NUF2: variants seen among roughly 807,000 people sequenced by gnomAD.
The protein encoded by NUF2 is kinetochore protein Nuf2.
A neutral mutation model predicts 61.8 loss-of-function variants in NUF2; 34 were observed. The observed-to-expected ratio is 0.55, with a 90% confidence interval of 0.42 to 0.73. NUF2 has a LOEUF of 0.73. NUF2 is among the 30% of genes least tolerant of loss of function. NUF2 has a pLI of 0.00. For synonymous variants in NUF2, 172 were observed against 181.6 expected, an observed-to-expected ratio of 0.95 and a Z score of 0.42; for missense variants, 445 against 539.1, an observed-to-expected ratio of 0.83 and a Z score of 1.73.
chr1:163,334,310 C>A (rs574711816), intron 5 of NUF2, among the ~76,000 whole-genome samples: 1 of 152,152 alleles, frequency 6.6e-6, no homozygotes, highest in South Asian at 2.1e-4. Context: ...ATAATGATTT[C>A]TTTCTTAAAG....
At position 163,343,767 on chromosome 1, in the gene NUF2, A is replaced by T; in HGVS notation, c.704A>T (p.Glu235Val). Residue 235 changes from glutamate to valine, a missense_variant, in exon 10 of 14, where the codon GAA (glutamate) becomes GTA (valine). Physicochemically the swap from Glu to Val is moderately radical, Grantham distance 121. Transcript: ENST00000271452. ...AAATTGTCGGTGGTTTCTTTGAAAG[A>T]AATACAAGAGAGTTTGAAAACAAAA... ...ELKLSVVSLK[E>V]IQESLKTKIV... 2 of 1,434,670 alleles carry T rather than the reference A, an allele frequency of 1.4e-6. No individual in the cohort carries two copies. Among genetic ancestry groups the T allele is most frequent in the Non-Finnish European group, 9.3e-7 (1 of 1,078,618 alleles). The allele number at this position is 1,434,670 out of a possible 1,614,324, so 88.9% of individuals were successfully genotyped here.
intron 5 of NUF2, among the ~76,000 whole-genome samples, chr1:163,330,383 T>A (rs1650554574): frequency 6.6e-6 from 1 of 152,196 alleles, no homozygotes; most frequent in Admixed American, 6.5e-5. Flanking sequence ...ATTAATTGAC[T>A]GTATATTTGT....
chr1:163,348,523 C>T (rs1195339508), intron 12 of NUF2, among the ~76,000 whole-genome samples: 2 of 152,092 alleles, frequency 1.3e-5, no homozygotes, highest in Non-Finnish European at 2.9e-5. Flanking sequence ...TTCATACTTC[C>T]TCTTGCAGAT....
intron 2 of NUF2, among the ~76,000 whole-genome samples, chr1:163,327,273 C>T (rs1238196711): frequency 6.6e-6 from 1 of 152,118 alleles, no homozygotes; most frequent in Non-Finnish European, 1.5e-5. Context: ...CATTCTTAAA[C>T]AGCTGATCCC....
At chr1:163,347,046 A>G (rs557530239) in intron 11 of NUF2, among the ~76,000 whole-genome samples, 47 of 152,298 alleles carry the variant, frequency 3.1e-4, no homozygotes, top group African/African-American at 1.1e-3. Context: ...AAGGGGAACT[A>G]CTGTCATGGG....
At chr1:163,323,208 A>T (rs1258012853) in intron 1 of NUF2, 2 of 152,218 alleles carry the variant, frequency 1.3e-5, no homozygotes, top group African/African-American at 4.8e-5. Flanking sequence ...ACAAGTGATA[A>T]TAATTATGAA....
chr1:163,328,736 A>T (rs923154550), intron 4 of NUF2, 110 bp from the exon 5 acceptor site: 11 of 717,614 alleles, frequency 1.5e-5, no homozygotes, highest in Non-Finnish European at 2.2e-5. Flanking sequence ...CACTGACCTT[A>T]AGAAATATAT....
At chr1:163,354,988 A>G (rs879875283) in intron 13 of NUF2, among the ~76,000 whole-genome samples, 2 of 152,056 alleles carry the variant, frequency 1.3e-5, no homozygotes, top group Non-Finnish European at 2.9e-5. Flanking sequence ...CAGAGAGTAT[A>G]GTTATCCACA....
chr1:163,339,032 T>TG (rs1650854015), intron 7 of NUF2, among the ~76,000 whole-genome samples: 1 of 152,056 alleles, frequency 6.6e-6, no homozygotes, highest in Admixed American at 6.5e-5. Flanking sequence ...ATGGATGGTA[T>TG]GGGAGTAAGA....
intron 9 of NUF2, among the ~76,000 whole-genome samples, chr1:163,340,739 C>T (rs1231205804): frequency 6.6e-6 from 1 of 151,984 alleles, no homozygotes; most frequent in African/African-American, 2.4e-5. Flanking sequence ...ATACATCTTA[C>T]CTGCTTTTTT....
At chr1:163,349,692 C>T (rs1306036322) in intron 13 of NUF2, among the ~76,000 whole-genome samples, 3 of 152,172 alleles carry the variant, frequency 2.0e-5, no homozygotes, top group African/African-American at 7.2e-5. Flanking sequence ...CCACAGTAGA[C>T]AATTCCCTTA....
At position 163,327,496 on chromosome 1, in the gene NUF2, C is replaced by T; in HGVS notation, c.132C>T (p.Val44=). 3 of 1,607,466 alleles carry T rather than the reference C, an allele frequency of 1.9e-6. No individual in the cohort carries two copies. The highest frequency in any genetic ancestry group is 1.3e-5 in the African/African-American group (1 of 74,880). Reference sequence around the variant, plus strand: ...GTTGTTTTTTGCTGTAGCCTGAAGTCTTGCACATGATCTACATGAGAGCCT... The same window carrying T: ...GTTGTTTTTTGCTGTAGCCTGAAGTTTTGCACATGATCTACATGAGAGCCT... The part of the protein sequence containing the change: ...NDLYPNPKPE[V]LHMIYMRALQ... Residue 44 remains valine, a synonymous_variant, in exon 3 of 14, where the codon GTC becomes GTT. Transcript: ENST00000271452.
At position 163,347,130 on chromosome 1, in the gene NUF2, C is replaced by T. The variant is rs115840052; in HGVS notation, c.949-633C>T. ...TCCAACTTAGTGCCCAACACTGTAT[C>T]TAGGACCTATAGAGAGATTTAAAGT... On this transcript the variant is annotated intron_variant, in intron 11 of 13. Coordinates refer to ENST00000271452, the MANE Select transcript of NUF2 (RefSeq NM_145697.3). Among the ~76,000 whole-genome samples the T allele has an allele frequency of 7.5e-3, 1,141 of 152,278 alleles. 5 individuals carry two copies. Among genetic ancestry groups the T allele is most frequent in the Non-Finnish European group, 0.012 (838 of 68,010 alleles).
intron 10 of NUF2, among the ~76,000 whole-genome samples, chr1:163,344,723 T>C (rs894401811): frequency 9.4e-5 from 14 of 149,138 alleles, no homozygotes; most frequent in Non-Finnish European, 2.1e-4. Context: ...GGTTTGTGTT[T>C]GAATTTGTTA....
In NUF2 at chr1:163,339,455, A is replaced by C. The variant is rs891356338; in HGVS notation, c.584A>C (p.Asn195Thr). 1.2e-6 allele frequency: 2 copies of C among 1,611,290 alleles called. No homozygotes were observed. Among genetic ancestry groups the C allele is most frequent in the Non-Finnish European group, 1.7e-6 (2 of 1,177,714 alleles). Residue 195 changes from asparagine (N) to threonine (T), a missense_variant, in exon 8 of 14, where the codon AAT becomes ACT. Coordinates refer to ENST00000271452, the MANE Select transcript of NUF2 (RefSeq NM_145697.3). ...ATTCAGGAGCTACAACAATCACTAA[A>C]TCAGGATTTTCATCAAAAAACGGTA... is the stretch of plus-strand genomic sequence containing the variant. ...DGIQELQQSL[N>T]QDFHQKTIVL...
intron 13 of NUF2, among the ~76,000 whole-genome samples, chr1:163,351,133 C>T (rs1651302985): frequency 6.6e-6 from 1 of 152,126 alleles, no homozygotes; most frequent in Admixed American, 6.5e-5. Context: ...TATTTACTGT[C>T]ATCTCTGTTT....
At position 163,347,780 on chromosome 1, in the gene NUF2, C is replaced by T. The variant is rs149167689; in HGVS notation, c.966C>T (p.Asp322=). 4.2e-5 allele frequency: 66 copies of T among 1,576,598 alleles called. 1 individual carries two copies. In the African/African-American group the frequency reaches 8.6e-4, roughly 21 times the overall value. ...SILKESLNLE[D]QIESDESELK... is the part of the protein sequence containing the mutation. ...AAATACAGAGCCTGAACTTGGAGGACCAAATTGAGAGTGATGAGTCAGAAC... is the reference window on the plus strand; with the variant it reads ...AAATACAGAGCCTGAACTTGGAGGATCAAATTGAGAGTGATGAGTCAGAAC... Residue 322 remains aspartate, a synonymous_variant, in exon 12 of 14, where the codon GAC becomes GAT. Transcript: ENST00000271452.
chr1:163,355,499 G>C lies in NUF2; in HGVS notation c.*30G>C. On this transcript the variant is annotated 3_prime_UTR_variant, in exon 14 of 14. Coordinates refer to ENST00000271452, the MANE Select transcript of NUF2 (RefSeq NM_145697.3). ...CAAAATTACATGTCTTTTTGTAAAT[G>C]GCTTGCCATCTTTTAATTTTCTATT... is the stretch of plus-strand genomic sequence containing the variant. The C allele has an allele frequency of 6.4e-7, 1 of 1,557,914 alleles. No homozygotes were observed. The highest frequency in any genetic ancestry group is 8.7e-7 in the Non-Finnish European group (1 of 1,152,990).
Position 163,348,555 on chromosome 1 carries a change from A to T in NUF2, c.1125-390A>T, listed in dbSNP as rs536091410. On this transcript the variant is annotated intron_variant, in intron 12 of 13. Coordinates refer to ENST00000271452, the MANE Select transcript of NUF2 (RefSeq NM_145697.3). Reference sequence around the variant, plus strand: ...AGATGAAAAAGGGCAGAACTTAAGGATTTTATGTTTGTTGCCAAACTGCCT... The same window carrying T: ...AGATGAAAAAGGGCAGAACTTAAGGTTTTTATGTTTGTTGCCAAACTGCCT... Among the ~76,000 whole-genome samples the T allele has an allele frequency of 1.3e-4, 20 of 152,212 alleles. No individual in the cohort carries two copies. The East Asian group carries it at 3.3e-3, about 25-fold the overall frequency.
Sources: gnomAD v4.1 joint callset for allele counts (sites outside exome capture counted in the v4.1 genomes callset) on GRCh38, gnomAD v4.1.1 for gene constraint, MANE v1.5 for transcripts, NCBI Gene and HGNC (gene_info 2026-07-23, HGNC 2026-07-21) for gene names.